SPAG16: variants seen among roughly 807,000 people sequenced by gnomAD.
The protein encoded by SPAG16 is sperm associated antigen 16.
A neutral mutation model predicts 80.4 loss-of-function variants in SPAG16; 86 were observed. The observed-to-expected ratio is 1.07, with a 90% confidence interval of 0.90 to 1.28. The LOEUF (loss-of-function observed/expected upper bound fraction) is 1.28, where lower values mean the gene tolerates loss of function less well. SPAG16 is among the 50% of genes most tolerant of loss of function. SPAG16 has a pLI of 0.00. For synonymous variants in SPAG16, 294 were observed against 265.9 expected, an observed-to-expected ratio of 1.11 and a Z score of -1.03; for missense variants, 870 against 765.3, an observed-to-expected ratio of 1.14 and a Z score of -1.61.
intron 10 of SPAG16, among the ~76,000 whole-genome samples, chr2:213,643,722 T>TA (rs1489829792): frequency 6.7e-6 from 1 of 149,888 alleles, no homozygotes; most frequent in Non-Finnish European, 1.5e-5. Context: ...TTTTGTGTCT[T>TA]ACGATTGTGT....
intron 7 of SPAG16, among the ~76,000 whole-genome samples, chr2:213,354,210 A>G (rs1368755743): frequency 6.6e-6 from 1 of 152,212 alleles, no homozygotes; most frequent in Admixed American, 6.5e-5. Context: ...GTCAAAGGAC[A>G]TGAACTCATC....
At chr2:214,382,814 C>G (rs1268127990) in intron 15 of SPAG16, among the ~76,000 whole-genome samples, 3 of 152,278 alleles carry the variant, frequency 2.0e-5, no homozygotes, top group East Asian at 3.9e-4. Context: ...ATGCCAGGTA[C>G]AGAGAGCATC....
At chr2:213,919,071 T>A (rs1200695175) in intron 11 of SPAG16, among the ~76,000 whole-genome samples, 1 of 152,174 alleles carries the variant, frequency 6.6e-6, no homozygotes, top group Admixed American at 6.5e-5. Flanking sequence ...CTCTCTTATT[T>A]ACTTTTTCAA....
chr2:213,538,325 C>T (rs903825833), intron 10 of SPAG16, among the ~76,000 whole-genome samples: 7 of 152,052 alleles, frequency 4.6e-5, no homozygotes, highest in African/African-American at 1.2e-4. Context: ...TGTGATGTTA[C>T]AGCCTGTGTT....
chr2:213,767,056 C>T (rs1021014205), intron 10 of SPAG16, among the ~76,000 whole-genome samples: 2 of 152,150 alleles, frequency 1.3e-5, no homozygotes, highest in African/African-American at 4.8e-5. Context: ...CATAGCCAGG[C>T]ATACGTTTAT....
intron 6 of SPAG16, among the ~76,000 whole-genome samples, chr2:213,346,914 G>T (rs2065027152): frequency 6.6e-6 from 1 of 152,204 alleles, no homozygotes; most frequent in African/African-American, 2.4e-5. Context: ...GAGTTAGGAA[G>T]GTATTCCTTC....
chr2:214,012,295 T>A (rs1469407911), intron 12 of SPAG16, among the ~76,000 whole-genome samples: 7 of 107,468 alleles, frequency 6.5e-5, no homozygotes, highest in African/African-American at 1.1e-4. Context: ...TATATTTTTT[T>A]TTTTTTTTTT....
At chr2:214,217,942 C>T (rs1163932663) in intron 15 of SPAG16, among the ~76,000 whole-genome samples, 4 of 152,114 alleles carry the variant, frequency 2.6e-5, no homozygotes, top group Non-Finnish European at 5.9e-5. Context: ...TTACTGAGGA[C>T]TCCAAAGACC....
chr2:214,083,415 A>G (rs926267089), intron 13 of SPAG16, among the ~76,000 whole-genome samples: 4 of 152,128 alleles, frequency 2.6e-5, no homozygotes, highest in Admixed American at 6.5e-5. Context: ...AACTCTGCCA[A>G]TGGCTATGTG....
intron 9 of SPAG16, among the ~76,000 whole-genome samples, chr2:213,454,570 ACTT>A (rs996353524): frequency 1.1e-4 from 16 of 152,192 alleles, no homozygotes; most frequent in African/African-American, 3.6e-4. Context: ...TCATAGATTG[ACTT>A]CTTCATCTCT....
chr2:214,144,326 TA>T (rs2055521271), intron 14 of SPAG16, among the ~76,000 whole-genome samples: 1 of 151,748 alleles, frequency 6.6e-6, no homozygotes, highest in Non-Finnish European at 1.5e-5. Context: ...AAAGCTTTAA[TA>T]AATGACGTAA....
At chr2:214,272,371 G>A (rs932178677) in intron 15 of SPAG16, among the ~76,000 whole-genome samples, 1 of 151,926 alleles carries the variant, frequency 6.6e-6, no homozygotes, top group Non-Finnish European at 1.5e-5. Flanking sequence ...AGGTATACAT[G>A]TGCCATGTTG....
intron 10 of SPAG16, among the ~76,000 whole-genome samples, chr2:213,756,511 C>A (rs922896276): frequency 2.0e-5 from 3 of 152,116 alleles, no homozygotes; most frequent in African/African-American, 7.2e-5. Context: ...AATCTTTAGA[C>A]TAATTGAGCA....
intron 9 of SPAG16, among the ~76,000 whole-genome samples, chr2:213,426,550 C>T (rs552321236): frequency 1.1e-4 from 16 of 152,020 alleles, no homozygotes; most frequent in Non-Finnish European, 2.2e-4. Context: ...ACAACCTACA[C>T]AGACCAAAAA....
intron 10 of SPAG16, among the ~76,000 whole-genome samples, chr2:213,607,714 C>G (rs754502886): frequency 1.3e-5 from 2 of 152,240 alleles, no homozygotes; most frequent in Non-Finnish European, 2.9e-5. Flanking sequence ...ATGATTTCCA[C>G]TCATGTGCAT....
intron 10 of SPAG16, among the ~76,000 whole-genome samples, chr2:213,712,165 A>G (rs2066025389): frequency 6.6e-6 from 1 of 152,164 alleles, no homozygotes; most frequent in Non-Finnish European, 1.5e-5. Context: ...ATGTATATAC[A>G]TACATATAAG....
chr2:213,646,377 A>G (rs2062826360), intron 10 of SPAG16, among the ~76,000 whole-genome samples: 1 of 152,218 alleles, frequency 6.6e-6, no homozygotes, highest in Admixed American at 6.5e-5. Context: ...TACAATGAAG[A>G]AAGTATTATC....
At chr2:213,743,350 T>C (rs2067671896) in intron 10 of SPAG16, among the ~76,000 whole-genome samples, 1 of 152,186 alleles carries the variant, frequency 6.6e-6, no homozygotes, top group Non-Finnish European at 1.5e-5. Context: ...CAATTATATA[T>C]TTATTGAGTG....
intron 10 of SPAG16, among the ~76,000 whole-genome samples, chr2:213,575,394 T>C (rs1040000934): frequency 2.0e-5 from 3 of 152,172 alleles, no homozygotes; most frequent in Non-Finnish European, 4.4e-5. Flanking sequence ...ATAATAAAAT[T>C]AAAGGGTATT....
Sources: gnomAD v4.1 joint callset for allele counts (sites outside exome capture counted in the v4.1 genomes callset) on GRCh38, gnomAD v4.1.1 for gene constraint, MANE v1.5 for transcripts, NCBI Gene and HGNC (gene_info 2026-07-23, HGNC 2026-07-21) for gene names.